ADAMTSL1: variants seen among roughly 807,000 people sequenced by gnomAD.
The protein encoded by ADAMTSL1 is ADAMTS like 1.
Under a neutral mutation model 201.8 loss-of-function variants are expected in ADAMTSL1, and 126 were observed. The observed-to-expected ratio is 0.62, with a 90% confidence interval of 0.54 to 0.72. The LOEUF is 0.72. Ranked by LOEUF, ADAMTSL1 falls within the 30% of genes least tolerant of loss-of-function variation. The pLI is 0.00. For synonymous variants in ADAMTSL1, 1,121 were observed against 903.4 expected (o/e 1.24, Z -4.32); for missense variants, 2,679 against 2,277.8 (o/e 1.18, Z -3.59).
chr9:18,291,158 T>C (rs1265639257), intron 2 of ADAMTSL1, among the ~76,000 whole-genome samples: 1 of 151,382 alleles, frequency 6.6e-6, no homozygotes, highest in African/African-American at 2.4e-5. Context: ...GTAGGTAAGC[T>C]GAGGAAGAAG....
At chr9:18,788,301 A>C (rs983092199) in intron 19 of ADAMTSL1, among the ~76,000 whole-genome samples, 3 of 152,142 alleles carry the variant, frequency 2.0e-5, no homozygotes, top group Admixed American at 2.0e-4. Flanking sequence ...CTCCCGTTTG[A>C]AAGTATCTAA....
At chr9:18,168,765 C>G (rs1306996813) in intron 2 of ADAMTSL1, among the ~76,000 whole-genome samples, 2 of 144,154 alleles carry the variant, frequency 1.4e-5, no homozygotes, top group African/African-American at 5.1e-5. Context: ...GTTCCTATTT[C>G]TCCACATCCT....
chr9:18,698,289 T>G (rs142474423), intron 13 of ADAMTSL1, among the ~76,000 whole-genome samples: 2 of 150,300 alleles, frequency 1.3e-5, no homozygotes, highest in South Asian at 2.1e-4. Flanking sequence ...AATATTTTAA[T>G]TTTTTTTTTG....
chr9:18,029,901 G>A (rs1469684763), intron 1 of ADAMTSL1, among the ~76,000 whole-genome samples: 1 of 149,034 alleles, frequency 6.7e-6, no homozygotes, highest in Non-Finnish European at 1.5e-5. Context: ...GAAACAACAG[G>A]TGCTGGAGAG....
In ADAMTSL1 at chr9:18,272,414, C is replaced by T. The variant is rs140539353; in HGVS notation, c.207+108433C>T. 7.2e-3 allele frequency among the ~76,000 whole-genome samples: 1,100 copies of T among 152,302 alleles called. 6 individuals are homozygous for T. The highest frequency in any genetic ancestry group is 0.012 in the Non-Finnish European group (827 of 68,030). On this transcript the variant is annotated intron_variant, in intron 2 of 29. Transcript: ENST00000680146. Reference sequence around the variant, plus strand: ...AACCTGGCTAGCTATACGTAGAAAGCTGAAACTGGATTCCTTCCTTACACC... The same window carrying T: ...AACCTGGCTAGCTATACGTAGAAAGTTGAAACTGGATTCCTTCCTTACACC...
At chr9:18,867,859 C>T (rs182417888) in intron 23 of ADAMTSL1, among the ~76,000 whole-genome samples, 1 of 152,274 alleles carries the variant, frequency 6.6e-6, no homozygotes, top group East Asian at 1.9e-4. Flanking sequence ...AACTCCTGAC[C>T]TCGTGATCCA....
intron 7 of ADAMTSL1, among the ~76,000 whole-genome samples, chr9:18,655,194 C>T (rs1330085248): frequency 6.6e-5 from 10 of 152,342 alleles, no homozygotes; most frequent in South Asian, 2.1e-4. Context: ...TCTTCATGTG[C>T]TTATACTATC....
intron 16 of ADAMTSL1, among the ~76,000 whole-genome samples, chr9:18,764,932 C>A (rs540681364): frequency 6.6e-6 from 1 of 152,278 alleles, no homozygotes; most frequent in African/African-American, 2.4e-5. Context: ...AAACTGATAA[C>A]CCAGTTGTGT....
Position 18,523,344 on chromosome 9 carries a change from C to G in ADAMTSL1, c.192-9903C>G, listed in dbSNP as rs1346025608. Reference sequence around the variant, plus strand: ...TCTTTTTAGATTGTGGATATTAGCCCTTTGTCAGATGAGTAGGTTGCAAAA... The same window carrying G: ...TCTTTTTAGATTGTGGATATTAGCCGTTTGTCAGATGAGTAGGTTGCAAAA... On this transcript the variant is annotated intron_variant, in intron 2 of 28. Transcript: ENST00000380548. Among the ~76,000 whole-genome samples, 4 of 152,032 alleles carry G rather than the reference C, an allele frequency of 2.6e-5. No individual in the cohort carries two copies. In the East Asian group the frequency reaches 5.8e-4, roughly 22 times the overall value.
chr9:18,748,931 C>T lies in ADAMTSL1; in HGVS notation c.2007-4367C>T, dbSNP rs540558101. On this transcript the variant is annotated intron_variant, in intron 15 of 28. Transcript: ENST00000380548. ...CTGAAACCTATAAGGAGAGTCCTTC[C>T]TTGCTTCCTCTACTTTCTGGTGGCT... 4.6e-5 allele frequency among the ~76,000 whole-genome samples: 7 copies of T among 152,298 alleles called. No homozygotes were observed. In the East Asian group the frequency reaches 1.2e-3, roughly 25 times the overall value.
rs565761037 is a variant in ADAMTSL1, at chr9:17,949,915, G to T, written c.87+42993G>T. 1.8e-4 allele frequency among the ~76,000 whole-genome samples: 28 copies of T among 152,132 alleles called. No individual in the cohort carries two copies. In the South Asian group the frequency reaches 5.6e-3, roughly 30 times the overall value. ...TCCACCTCAAATTTTGTTACATGCT[G>T]TTACCGTAGTGCTTTTTTTTTGAGA... On this transcript the variant is annotated intron_variant, in intron 1 of 29. Coordinates refer to the ADAMTSL1 transcript ENST00000680146.
intron 23 of ADAMTSL1, among the ~76,000 whole-genome samples, chr9:18,860,012 T>C (rs945213698): frequency 1.3e-5 from 2 of 152,224 alleles, no homozygotes; most frequent in Non-Finnish European, 2.9e-5. Flanking sequence ...TGCCTAATGA[T>C]GTGTGTGCAT....
At chr9:18,213,389 C>G (rs1829951592) in intron 2 of ADAMTSL1, among the ~76,000 whole-genome samples, 1 of 152,112 alleles carries the variant, frequency 6.6e-6, no homozygotes, top group Admixed American at 6.6e-5. Context: ...ACACTGTGTT[C>G]CTGGGTGAGA....
chr9:18,795,898 A>G (rs899315697), intron 20 of ADAMTSL1, among the ~76,000 whole-genome samples: 4 of 152,228 alleles, frequency 2.6e-5, no homozygotes, highest in Admixed American at 2.6e-4. Context: ...GGATCCTGTC[A>G]TCTCCTTGTT....
intron 23 of ADAMTSL1, among the ~76,000 whole-genome samples, chr9:18,859,105 C>T (rs887218586): frequency 3.3e-5 from 5 of 152,210 alleles, no homozygotes; most frequent in Admixed American, 6.5e-5. Context: ...GCAGCTGTAA[C>T]AAATTACCAT....
At chr9:18,045,036 C>T (rs1586941683) in intron 1 of ADAMTSL1, among the ~76,000 whole-genome samples, 1 of 152,054 alleles carries the variant, frequency 6.6e-6, no homozygotes, top group African/African-American at 2.4e-5. Flanking sequence ...ACTTAGGATC[C>T]AGAGTTCCAC....
chr9:17,963,338 C>A (rs56315315), intron 1 of ADAMTSL1, among the ~76,000 whole-genome samples: 32,398 of 151,994 alleles, frequency 0.21, 3,691 homozygotes, highest in Middle Eastern at 0.33. Flanking sequence ...AACATAGATA[C>A]TAAAGAAGGC....
At chr9:18,094,406 T>A (rs1824153828) in intron 1 of ADAMTSL1, among the ~76,000 whole-genome samples, 1 of 152,184 alleles carries the variant, frequency 6.6e-6, no homozygotes, top group Non-Finnish European at 1.5e-5. Context: ...GTGTGTAGTA[T>A]TACAGTTGTC....
At chr9:18,102,015 T>G (rs920262993) in intron 1 of ADAMTSL1, among the ~76,000 whole-genome samples, 2 of 152,230 alleles carry the variant, frequency 1.3e-5, no homozygotes, top group African/African-American at 2.4e-5. Context: ...CTCCCGTGTG[T>G]GGGCATATTT....
Sources: gnomAD v4.1 joint callset for allele counts (sites outside exome capture counted in the v4.1 genomes callset) on GRCh38, gnomAD v4.1.1 for gene constraint, MANE v1.5 for transcripts, NCBI Gene and HGNC (gene_info 2026-07-23, HGNC 2026-07-21) for gene names.